Variants in ZNF407 observed in about 807,000 individuals in gnomAD.
ZNF407 encodes zinc finger protein 407.
Under a neutral mutation model 131.2 loss-of-function variants are expected in ZNF407, and 17 were observed. That is an observed-to-expected ratio of 0.13 (90% CI 0.09 to 0.19). The LOEUF (loss-of-function observed/expected upper bound fraction) is 0.19, where lower values mean the gene tolerates loss of function less well. Among genes scored for constraint, ZNF407 ranks in the 10% least tolerant of loss-of-function variants. The probability of loss-of-function intolerance (pLI) is 1.00; values close to 1 mark genes in which losing one functional copy is unlikely to be tolerated. For synonymous variants in ZNF407, 1,156 were observed against 1,062.0 expected, an observed-to-expected ratio of 1.09 and a Z score of -1.72; for missense variants, 2,681 against 2,830.6, an observed-to-expected ratio of 0.95 and a Z score of 1.20.
Position 74,630,167 on chromosome 18 carries a change from C to CTTTTT in ZNF407, c.-53-783_-53-779dup, listed in dbSNP as rs1183755965. On this transcript the variant is annotated intron_variant, in intron 1 of 8. Transcript: ENST00000299687. ...GGAGAAAAGGATGAAACAGTGGTGT[C>CTTTTT]TTTTTTTTTTTTTTTTTTTTTGAGA... is the stretch of plus-strand genomic sequence containing the variant. 6.7e-5 allele frequency among the ~76,000 whole-genome samples: 8 copies of CTTTTT among 120,272 alleles called. 1 individual carries two copies. Among genetic ancestry groups the CTTTTT allele is most frequent in the Admixed American group, 8.4e-5 (1 of 11,844 alleles). The allele number at this position is 120,272 out of a possible 152,430, so 78.9% of individuals were successfully genotyped here. A position where few individuals can be genotyped will look rare whatever the true frequency, so the allele number is the denominator to read the frequency against.
intron 1 of ZNF407, among the ~76,000 whole-genome samples, chr18:74,619,918 A>G (rs878875030): frequency 0.52 from 78,811 of 151,850 alleles, 21,940 homozygotes; most frequent in East Asian, 0.82. Context: ...ATAAGATACA[A>G]ACGATCCTAG....
intron 8 of ZNF407, among the ~76,000 whole-genome samples, chr18:75,019,962 A>G (rs1973088140): frequency 6.6e-6 from 1 of 152,134 alleles, no homozygotes; most frequent in Non-Finnish European, 1.5e-5. Context: ...CCCTCCCCCA[A>G]CATTGGGAAT....
intron 8 of ZNF407, among the ~76,000 whole-genome samples, chr18:75,052,534 C>G (rs1973513700): frequency 6.6e-6 from 1 of 152,162 alleles, no homozygotes; most frequent in African/African-American, 2.4e-5. Flanking sequence ...CTGGGAAGTT[C>G]CGGCAGAAGA....
intron 8 of ZNF407, among the ~76,000 whole-genome samples, chr18:75,015,892 G>A (rs1014154221): frequency 6.6e-5 from 10 of 152,074 alleles, no homozygotes; most frequent in African/African-American, 1.9e-4. Context: ...ATCAGAGAGA[G>A]ATATAAATGC....
chr18:74,839,750 T>C (rs1970606518), intron 4 of ZNF407, among the ~76,000 whole-genome samples: 1 of 152,152 alleles, frequency 6.6e-6, no homozygotes, highest in African/African-American at 2.4e-5. Flanking sequence ...CTAAAAACTA[T>C]GTGTGTATGT....
chr18:74,785,043 C>T (rs1471277213), intron 4 of ZNF407, among the ~76,000 whole-genome samples: 1 of 152,136 alleles, frequency 6.6e-6, no homozygotes, highest in Non-Finnish European at 1.5e-5. Context: ...CTGGCAGCAT[C>T]TCAAGAAGGC....
At chr18:75,012,287 G>T (rs866022219) in intron 8 of ZNF407, among the ~76,000 whole-genome samples, 1 of 111,254 alleles carries the variant, frequency 9.0e-6, no homozygotes. Context: ...CATAGTGTAT[G>T]TACACATAGT....
At chr18:75,052,407 G>A (rs1973512129) in intron 8 of ZNF407, among the ~76,000 whole-genome samples, 1 of 152,098 alleles carries the variant, frequency 6.6e-6, no homozygotes, top group Admixed American at 6.5e-5. Context: ...AACAAAGAGT[G>A]GGACAGAATG....
In ZNF407 at chr18:74,635,384, C is replaced by T. The variant is rs749306826; in HGVS notation, c.4365C>T (p.Thr1455=). 1.2e-5 allele frequency: 19 copies of T among 1,613,760 alleles called. No homozygotes were observed. Among genetic ancestry groups the T allele is most frequent in the Middle Eastern group, 1.6e-4 (1 of 6,084 alleles). ...HCLLCGKSFY[T]ESNLHQHLAS... ...TACTCTGTGGAAAGTCGTTCTATAC[C>T]GAAAGCAACCTTCACCAGCATCTGG... Residue 1455 remains threonine, a synonymous_variant, in exon 2 of 9, where the codon ACC becomes ACT. Transcript: ENST00000299687. This position sits in a 1 kb window ranked among gnomAD's most constrained non-coding sequence, Gnocchi z 4.7.
At chr18:74,914,100 G>A (rs1166282586) in intron 7 of ZNF407, among the ~76,000 whole-genome samples, 1 of 152,138 alleles carries the variant, frequency 6.6e-6, no homozygotes, top group African/African-American at 2.4e-5. Flanking sequence ...CCATGAAAGC[G>A]ATGCGTGCTG....
At chr18:74,605,725 C>T (rs776169612) in intron 1 of ZNF407, among the ~76,000 whole-genome samples, 2 of 152,088 alleles carry the variant, frequency 1.3e-5, no homozygotes, top group Non-Finnish European at 2.9e-5. Flanking sequence ...TCTATGAAAA[C>T]CACATTTTTT....
intron 8 of ZNF407, among the ~76,000 whole-genome samples, chr18:74,984,158 C>T (rs1393029163): frequency 6.6e-6 from 1 of 152,176 alleles, no homozygotes; most frequent in Non-Finnish European, 1.5e-5. Flanking sequence ...AACTAGCTCT[C>T]GGACTAGGGT....
intron 8 of ZNF407, among the ~76,000 whole-genome samples, chr18:74,934,242 A>AT (rs1454335348): frequency 6.6e-6 from 1 of 152,212 alleles, no homozygotes; most frequent in African/African-American, 2.4e-5. Flanking sequence ...AAAAGGCAAG[A>AT]TTCTTTCAAG....
In ZNF407 at chr18:74,634,069, A is replaced by G. The variant is rs1984296737; in HGVS notation, c.3050A>G (p.Asn1017Ser). Residue 1017 changes from asparagine to serine, a missense_variant, in exon 2 of 9, where the codon AAT becomes AGT. Physicochemically the swap from Asn to Ser is conservative, Grantham distance 46 (BLOSUM62 1). Coordinates refer to ENST00000299687, the MANE Select transcript of ZNF407 (RefSeq NM_017757.3). ...SQRDVTGTGENKCLHCEFSAH... is the reference protein window; with the variant it reads ...SQRDVTGTGESKCLHCEFSAH... ...AGAGATGTTACAGGCACAGGTGAGA[A>G]TAAGTGTTTGCACTGTGAGTTTAGT... The G allele has an allele frequency of 6.2e-7, 1 of 1,613,952 alleles. No homozygotes were observed. The highest frequency in any genetic ancestry group is 1.7e-5 in the Admixed American group (1 of 60,010).
intron 4 of ZNF407, among the ~76,000 whole-genome samples, chr18:74,836,573 T>C (rs1207171475): frequency 6.6e-6 from 1 of 152,210 alleles, no homozygotes; most frequent in Non-Finnish European, 1.5e-5. Context: ...CTGTGCCCAG[T>C]GTAACTGACT....
chr18:74,977,901 T>A (rs1972546039), intron 8 of ZNF407, among the ~76,000 whole-genome samples: 1 of 152,234 alleles, frequency 6.6e-6, no homozygotes, highest in African/African-American at 2.4e-5. Flanking sequence ...TCCATTTTTA[T>A]TGGGGATTTT....
At chr18:74,683,283 CT>C (rs1967027372) in intron 3 of ZNF407, among the ~76,000 whole-genome samples, 1 of 152,020 alleles carries the variant, frequency 6.6e-6, no homozygotes, top group Non-Finnish European at 1.5e-5. Context: ...TTGGGTTATT[CT>C]TTTATGTATA....
intron 4 of ZNF407, among the ~76,000 whole-genome samples, chr18:74,802,629 CT>C (rs1281235617): frequency 6.6e-6 from 1 of 152,096 alleles, no homozygotes; most frequent in Non-Finnish European, 1.5e-5. Context: ...CTTACTCTTC[CT>C]TTTTGTTAAC....
chr18:74,692,690 C>T (rs1415346905), intron 3 of ZNF407, among the ~76,000 whole-genome samples: 4 of 152,256 alleles, frequency 2.6e-5, no homozygotes, highest in East Asian at 1.9e-4. Context: ...ATTCCTGCCC[C>T]GCCCCTGGGG....
Sources: gnomAD v4.1 joint callset for allele counts (sites outside exome capture counted in the v4.1 genomes callset) on GRCh38, gnomAD v4.1.1 for gene constraint, Gnocchi (gnomAD v3.1) non-coding constraint, MANE v1.5 for transcripts, NCBI Gene and HGNC (gene_info 2026-07-23, HGNC 2026-07-21) for gene names.